The following PLCL1 variants were observed in gnomAD, a reference collection of about 807,000 sequenced individuals.
The protein encoded by PLCL1 is inactive phospholipase C-like protein 1.
In PLCL1, 41 loss-of-function variants were observed where a neutral mutation model predicts 84.4. The observed-to-expected ratio is 0.49, with a 90% CI of 0.38 to 0.63. The LOEUF is 0.63. Ranked by LOEUF, PLCL1 falls within the 30% of genes least tolerant of loss-of-function variation. PLCL1 has a pLI of 0.00. For missense variants in PLCL1, 1,206 were observed against 1,367.8 expected (o/e 0.88, Z 1.87); for synonymous variants, 490 against 488.3 (o/e 1.00, Z -0.05).
intron 1 of PLCL1, among the ~76,000 whole-genome samples, chr2:197,871,622 C>T (rs1328076840): frequency 2.0e-5 from 3 of 152,092 alleles, no homozygotes; most frequent in Non-Finnish European, 4.4e-5. Flanking sequence ...AGGGAGAATT[C>T]GTTCTATGCC....
At chr2:198,062,700 A>G (rs1275807797) in intron 1 of PLCL1, among the ~76,000 whole-genome samples, 2 of 152,174 alleles carry the variant, frequency 1.3e-5, no homozygotes, top group South Asian at 4.1e-4. Flanking sequence ...TTTCCTGACC[A>G]TAAGAATCAC....
intron 1 of PLCL1, among the ~76,000 whole-genome samples, chr2:197,998,900 A>C (rs1397734057): frequency 6.6e-6 from 1 of 152,160 alleles, no homozygotes; most frequent in East Asian, 1.9e-4. Flanking sequence ...CATGATTGTG[A>C]ATCACCTAGA....
At chr2:197,948,911 G>A (rs887695199) in intron 1 of PLCL1, among the ~76,000 whole-genome samples, 10 of 152,120 alleles carry the variant, frequency 6.6e-5, no homozygotes, top group Admixed American at 6.6e-5. Context: ...GACCCCTGTG[G>A]GTTTCTAGTC....
chr2:198,088,950 C>T lies in PLCL1; in HGVS notation c.2808C>T (p.Thr936=), dbSNP rs1692952297. The T allele has an allele frequency of 1.2e-6, 2 of 1,610,874 alleles. No individual in the cohort carries two copies. Among genetic ancestry groups the T allele is most frequent in the Admixed American group, 3.3e-5 (2 of 59,988 alleles). Residue 936 remains threonine, a synonymous_variant, in exon 3 of 6, where the codon ACC becomes ACT. Coordinates refer to ENST00000428675, the MANE Select transcript of PLCL1 (RefSeq NM_006226.4). ...CLLTLSSRLI[T]SDNTPSVSLV... Reference sequence around the variant, plus strand: ...TAACTCTGTCATCTCGGCTCATCACCAGTGACAATACTCCTTCAGTCTCAC... The same window carrying T: ...TAACTCTGTCATCTCGGCTCATCACTAGTGACAATACTCCTTCAGTCTCAC...
At chr2:198,100,319 T>A (rs1485978694) in intron 3 of PLCL1, among the ~76,000 whole-genome samples, 2 of 152,036 alleles carry the variant, frequency 1.3e-5, no homozygotes, top group African/African-American at 4.8e-5. Flanking sequence ...AATAAAAAAA[T>A]TCCATGAACA....
intron 2 of PLCL1, 72 bp downstream of exon 2, chr2:198,086,304 C>A (rs1692880375): frequency 1.8e-6 from 2 of 1,084,622 alleles, no homozygotes; most frequent in South Asian, 3.1e-5. Flanking sequence ...TATTAATAAT[C>A]TGATTTGCAA....
rs750223588 is a variant in PLCL1 at position 198,084,698 on chromosome 2, A to G, written c.1181A>G (p.Lys394Arg). The change falls in exon 2 of 6, where the codon AAG (lysine) becomes AGG (arginine). Residue 394 changes from lysine to arginine, a missense_variant. Lys to Arg is a conservative substitution (Grantham distance 26, BLOSUM62 2). Coordinates refer to ENST00000428675, the MANE Select transcript of PLCL1 (RefSeq NM_006226.4). ...SECDIFDPEQKKVAQDMTQPL... is the reference protein window; with the variant it reads ...SECDIFDPEQRKVAQDMTQPL... The stretch of plus-strand genomic sequence containing the variant: ...TGTGACATTTTTGATCCTGAGCAAA[A>G]GAAGGTTGCCCAAGATATGACCCAG... 6.2e-7 allele frequency: 1 copy of G among 1,614,048 alleles called. No homozygotes were observed. The highest frequency in any genetic ancestry group is 1.1e-5 in the South Asian group (1 of 91,074).
At chr2:198,116,840 C>G (rs574776870) in intron 5 of PLCL1, among the ~76,000 whole-genome samples, 1 of 151,736 alleles carries the variant, frequency 6.6e-6, no homozygotes, top group South Asian at 2.1e-4. Context: ...TCTGCCAGGA[C>G]GAAGCTATGT....
intron 1 of PLCL1, among the ~76,000 whole-genome samples, chr2:197,979,934 A>G (rs760473241): frequency 2.6e-5 from 4 of 152,178 alleles, no homozygotes; most frequent in Non-Finnish European, 5.9e-5. Flanking sequence ...AAATCCAGGT[A>G]GTTAAAAAGT....
chr2:198,019,968 A>C (rs1691093766), intron 1 of PLCL1, among the ~76,000 whole-genome samples: 1 of 152,214 alleles, frequency 6.6e-6, no homozygotes, highest in Non-Finnish European at 1.5e-5. Context: ...GAAGGGAAAA[A>C]TGTTAAGGGC....
chr2:197,820,104 G>T (rs552633043), intron 1 of PLCL1, among the ~76,000 whole-genome samples: 1 of 152,038 alleles, frequency 6.6e-6, no homozygotes, highest in Admixed American at 6.6e-5. Flanking sequence ...AGCAACCACC[G>T]TTTATTGAGT....
intron 1 of PLCL1, among the ~76,000 whole-genome samples, chr2:197,831,051 C>T (rs899967204): frequency 6.6e-6 from 1 of 152,118 alleles, no homozygotes; most frequent in Non-Finnish European, 1.5e-5. Context: ...CAGTACCAGC[C>T]ACTGCAAAAA....
chr2:198,112,353 C>G (rs1693643021), intron 5 of PLCL1, among the ~76,000 whole-genome samples: 1 of 151,788 alleles, frequency 6.6e-6, no homozygotes, highest in South Asian at 2.1e-4. Context: ...GACCCAGGAC[C>G]CCTGAGAGCC....
At chr2:197,856,543 T>G (rs1388205946) in intron 1 of PLCL1, among the ~76,000 whole-genome samples, 1 of 152,216 alleles carries the variant, frequency 6.6e-6, no homozygotes, top group Non-Finnish European at 1.5e-5. Context: ...TTAAATTTAT[T>G]GTATGTATGC....
rs776314024 is a variant in PLCL1, at chr2:197,966,890, GC to G, written c.241-116865del. ...TTTTGAGACAGAGTCTCGCTCTGTC[GC>G]CCAGGCTGGAGTGCAGTGGCACAAT... On this transcript the variant is annotated intron_variant, in intron 1 of 5. Transcript: ENST00000428675. 1.1e-3 allele frequency among the ~76,000 whole-genome samples: 132 copies of G among 125,220 alleles called. 2 individuals are homozygous for G. Among genetic ancestry groups the G allele is most frequent in the South Asian group, 3.2e-3 (13 of 4,044 alleles). 82.1% of individuals were successfully genotyped at this position (125,220 alleles called of 152,430 possible).
chr2:198,145,015 G>A (rs1189643115), intron 5 of PLCL1, among the ~76,000 whole-genome samples: 1 of 152,138 alleles, frequency 6.6e-6, no homozygotes, highest in African/African-American at 2.4e-5. Context: ...TCAGTAAATT[G>A]AGAATAATGA....
intron 1 of PLCL1, among the ~76,000 whole-genome samples, chr2:198,009,836 G>C (rs1574243679): frequency 6.6e-6 from 1 of 151,922 alleles, no homozygotes; most frequent in African/African-American, 2.4e-5. Flanking sequence ...CCATTTACTT[G>C]TATCTTCTTT....
intron 1 of PLCL1, among the ~76,000 whole-genome samples, chr2:198,019,673 G>C (rs530111251): frequency 5.3e-4 from 80 of 152,260 alleles, no homozygotes; most frequent in Non-Finnish European, 1.0e-3. Context: ...AAAGCATGAA[G>C]ACAAGATTAG....
At chr2:198,000,825 G>A (rs531107599) in intron 1 of PLCL1, among the ~76,000 whole-genome samples, 3 of 151,950 alleles carry the variant, frequency 2.0e-5, no homozygotes, top group African/African-American at 7.2e-5. Flanking sequence ...TGAGTTCTGA[G>A]TGTTCTAATT....
Sources: gnomAD v4.1 joint callset for allele counts (sites outside exome capture counted in the v4.1 genomes callset) on GRCh38, gnomAD v4.1.1 for gene constraint, MANE v1.5 for transcripts, NCBI Gene and HGNC (gene_info 2026-07-23, HGNC 2026-07-21) for gene names.